INPP5A: variants seen among roughly 807,000 people sequenced by gnomAD.
INPP5A encodes 43 kDa inositol polyphosphate 5-phophatase.
INPP5A carries 14 observed loss-of-function variants against 65.2 expected under a neutral mutation model. The observed-to-expected ratio is 0.21, with a 90% CI of 0.14 to 0.34. INPP5A has a LOEUF of 0.34. INPP5A is among the 10% of genes least tolerant of loss of function. The pLI is 1.00. For synonymous variants in INPP5A, 207 were observed against 208.3 expected (o/e 0.99, Z 0.05); for missense variants, 431 against 545.6 (o/e 0.79, Z 2.09).
chr10:132,781,483 C>T (rs923653824), intron 14 of INPP5A, among the ~76,000 whole-genome samples: 3 of 152,242 alleles, frequency 2.0e-5, no homozygotes, highest in African/African-American at 4.8e-5. Flanking sequence ...CAAACACACC[C>T]GGATAAGACG....
chr10:132,570,099 C>T (rs1225353033), intron 1 of INPP5A, among the ~76,000 whole-genome samples: 1 of 150,192 alleles, frequency 6.7e-6, no homozygotes, highest in Non-Finnish European at 1.5e-5. Flanking sequence ...CGCGCTGGGC[C>T]CCCACTGTTT....
chr10:132,699,690 G>C (rs1277053364), intron 6 of INPP5A, among the ~76,000 whole-genome samples: 1 of 152,142 alleles, frequency 6.6e-6, no homozygotes, highest in African/African-American at 2.4e-5. Context: ...TGGGAAGCTC[G>C]GGGGCAGCGG....
intron 8 of INPP5A, among the ~76,000 whole-genome samples, chr10:132,710,958 T>G (rs1269888493): frequency 6.6e-6 from 1 of 152,176 alleles, no homozygotes; most frequent in Non-Finnish European, 1.5e-5. Flanking sequence ...GCTCTGCGCT[T>G]GCTGATTTGC....
chr10:132,641,984 T>C (rs2072432049), intron 2 of INPP5A, among the ~76,000 whole-genome samples: 1 of 152,196 alleles, frequency 6.6e-6, no homozygotes, highest in Non-Finnish European at 1.5e-5. Context: ...GGCTCCCCAG[T>C]GTGGACCAGT....
intron 14 of INPP5A, 80 bp from the exon 15 acceptor site, chr10:132,781,781 G>A (rs1591012055): frequency 8.6e-7 from 1 of 1,158,424 alleles, no homozygotes; most frequent in South Asian, 1.2e-5. Flanking sequence ...GCAGGGTCTG[G>A]GGGTGCAACG....
At chr10:132,593,778 GTATT>G (rs1315713909) in intron 1 of INPP5A, among the ~76,000 whole-genome samples, 1 of 151,968 alleles carries the variant, frequency 6.6e-6, no homozygotes, top group Non-Finnish European at 1.5e-5. Context: ...AGATTTTTTG[GTATT>G]TATTCTGCTT....
chr10:132,734,668 T>C (rs897372811), intron 9 of INPP5A, among the ~76,000 whole-genome samples: 1 of 152,214 alleles, frequency 6.6e-6, no homozygotes, highest in Non-Finnish European at 1.5e-5. Context: ...CTCAAGACCA[T>C]GGCCTTGGGC....
At chr10:132,719,010 A>G (rs1438099208) in intron 8 of INPP5A, among the ~76,000 whole-genome samples, 8 of 138,396 alleles carry the variant, frequency 5.8e-5, no homozygotes, top group Non-Finnish European at 1.1e-4. Context: ...GGCGCCTTAG[A>G]CGACTGTCTT....
At chr10:132,563,921 C>T (rs1215758649) in intron 1 of INPP5A, among the ~76,000 whole-genome samples, 2 of 152,202 alleles carry the variant, frequency 1.3e-5, no homozygotes, top group Non-Finnish European at 1.5e-5. Context: ...GCCCTGAGCC[C>T]TGGCGGCTGA....
At chr10:132,672,899 C>T (rs558448335) in intron 4 of INPP5A, among the ~76,000 whole-genome samples, 3 of 152,272 alleles carry the variant, frequency 2.0e-5, no homozygotes, top group South Asian at 2.1e-4. Flanking sequence ...CTCAGCGGGT[C>T]GTGGTTTTTT....
Position 132,555,661 on chromosome 10 carries a change from G to A in INPP5A, c.75+17490G>A, listed in dbSNP as rs763466473. 9.9e-5 allele frequency among the ~76,000 whole-genome samples: 15 copies of A among 152,158 alleles called. No homozygotes were observed. The highest frequency in any genetic ancestry group is 2.4e-4 in the African/African-American group (10 of 41,418). On this transcript the variant is annotated intron_variant, in intron 1 of 15. Coordinates refer to ENST00000368594, the MANE Select transcript of INPP5A (RefSeq NM_005539.5). The surrounding 1 kb of genome is among the most constrained non-coding windows in gnomAD (Gnocchi z 4.4). ...GGAGAGAGTTCAAGTGTATCCTAGCGTCTTGGAGAAAAATGGTCTATGAAC... is the reference window on the plus strand; with the variant it reads ...GGAGAGAGTTCAAGTGTATCCTAGCATCTTGGAGAAAAATGGTCTATGAAC...
At chr10:132,679,131 C>T (rs181574423) in intron 4 of INPP5A, among the ~76,000 whole-genome samples, 25 of 152,164 alleles carry the variant, frequency 1.6e-4, no homozygotes, top group African/African-American at 5.5e-4. Flanking sequence ...GTGGAGGAGG[C>T]GGGGGCCCCA....
intron 8 of INPP5A, among the ~76,000 whole-genome samples, chr10:132,717,817 C>T (rs1845769822): frequency 6.8e-6 from 1 of 147,252 alleles, no homozygotes; most frequent in Non-Finnish European, 1.5e-5. Flanking sequence ...TACCTGGGTT[C>T]TGTCTGGGCA....
At chr10:132,642,143 C>A (rs116438578) in intron 2 of INPP5A, among the ~76,000 whole-genome samples, 4 of 151,710 alleles carry the variant, frequency 2.6e-5, no homozygotes, top group African/African-American at 9.7e-5. Flanking sequence ...AGCTCGTCTG[C>A]GGTCTGGGGA....
At chr10:132,684,225 G>A (rs1387633500) in intron 4 of INPP5A, among the ~76,000 whole-genome samples, 1 of 152,072 alleles carries the variant, frequency 6.6e-6, no homozygotes, top group East Asian at 1.9e-4. Flanking sequence ...TTTCAAATTT[G>A]ATTTACCCAT....
chr10:132,641,262 G>C (rs1466187560), intron 2 of INPP5A, among the ~76,000 whole-genome samples: 1 of 152,110 alleles, frequency 6.6e-6, no homozygotes, highest in East Asian at 1.9e-4. Context: ...AACAATGTCG[G>C]GATTTAAAAT....
intron 1 of INPP5A, among the ~76,000 whole-genome samples, chr10:132,588,690 A>G (rs1422206426): frequency 6.6e-6 from 1 of 152,154 alleles, no homozygotes; most frequent in Non-Finnish European, 1.5e-5. Context: ...TTTTTTTTAA[A>G]TGACTTGTAT....
chr10:132,577,733 A>C (rs1363094604), intron 1 of INPP5A, among the ~76,000 whole-genome samples: 1 of 152,220 alleles, frequency 6.6e-6, no homozygotes, highest in African/African-American at 2.4e-5. Context: ...TGCCTGTCTC[A>C]GGGAGGCATT....
At chr10:132,724,588 G>A (rs2134576085) in intron 8 of INPP5A, among the ~76,000 whole-genome samples, 1 of 151,926 alleles carries the variant, frequency 6.6e-6, no homozygotes, top group Non-Finnish European at 1.5e-5. Context: ...AACTCACAAG[G>A]AGGCCCCAGG....
Sources: allele counts gnomAD v4.1 joint callset (sites outside exome capture counted in the v4.1 genomes callset), GRCh38; gene constraint gnomAD v4.1.1; non-coding constraint Gnocchi (gnomAD v3.1); transcripts MANE v1.5; gene names NCBI Gene and HGNC (gene_info 2026-07-23, HGNC 2026-07-21).